TNFRSF11A: variants seen among roughly 807,000 people sequenced by gnomAD.
TNFRSF11A encodes tumor necrosis factor receptor superfamily member 11A.
TNFRSF11A carries 32 observed loss-of-function variants against 55.7 expected under a neutral mutation model. The observed-to-expected ratio is 0.57, with a 90% CI of 0.43 to 0.77. The LOEUF (loss-of-function observed/expected upper bound fraction) is 0.77. Among genes scored for constraint, TNFRSF11A ranks in the 30% least tolerant of loss-of-function variants. The pLI, the probability that TNFRSF11A is intolerant of heterozygous loss-of-function variation, is 0.00. For synonymous variants in TNFRSF11A, 311 were observed against 331.0 expected, an observed-to-expected ratio of 0.94 and a Z score of 0.65; for missense variants, 753 against 809.8, an observed-to-expected ratio of 0.93 and a Z score of 0.85.
At chr18:62,344,991 G>A (rs1176491110) in intron 1 of TNFRSF11A, among the ~76,000 whole-genome samples, 3 of 152,256 alleles carry the variant, frequency 2.0e-5, no homozygotes. Flanking sequence ...GAGAGAGCCA[G>A]TCTGGCCTGC....
chr18:62,360,071 T>G (rs1267696359), intron 6 of TNFRSF11A, 22 bp downstream of exon 6: 1 of 1,605,982 alleles, frequency 6.2e-7, no homozygotes, highest in Non-Finnish European at 8.5e-7. Flanking sequence ...AAGAGCCTGT[T>G]GGTTGATAGA....
rs372201279 is a variant in TNFRSF11A, at chr18:62,347,941, C to T, written c.76-227C>T. ...AAAAAACAAAAAAAAACCCTGTAAT[C>T]CCAGCTACTCAGGAGGCTAAAGTAG... On this transcript the variant is annotated intron_variant, in intron 1 of 9. Coordinates refer to ENST00000586569, the MANE Select transcript of TNFRSF11A (RefSeq NM_003839.4). 3.6e-4 allele frequency among the ~76,000 whole-genome samples: 54 copies of T among 151,558 alleles called. No homozygotes were observed. The East Asian group carries it at 7.8e-3, about 22-fold the overall frequency.
At chr18:62,334,817 C>T (rs898405858) in intron 1 of TNFRSF11A, among the ~76,000 whole-genome samples, 2 of 152,136 alleles carry the variant, frequency 1.3e-5, no homozygotes, top group African/African-American at 4.8e-5. Context: ...CAGTCTCAAG[C>T]TTTTACTTGG....
intron 3 of TNFRSF11A, among the ~76,000 whole-genome samples, chr18:62,353,014 A>G (rs1428999109): frequency 6.6e-6 from 1 of 152,154 alleles, no homozygotes; most frequent in Non-Finnish European, 1.5e-5. Flanking sequence ...TCTGTTTTAA[A>G]TAATGTTATT....
chr18:62,343,171 T>A (rs140417260), intron 1 of TNFRSF11A, among the ~76,000 whole-genome samples: 2 of 152,352 alleles, frequency 1.3e-5, no homozygotes, highest in Non-Finnish European at 2.9e-5. Flanking sequence ...AGAAATTTGA[T>A]ACCATCCTTA....
chr18:62,342,401 CAAAA>C (rs371734407), intron 1 of TNFRSF11A, among the ~76,000 whole-genome samples: 71 of 62,228 alleles, frequency 1.1e-3, no homozygotes, highest in East Asian at 3.3e-3. Context: ...GATTCTGTCT[CAAAA>C]AAAAAAAAAA....
At position 62,389,699 on chromosome 18, in the gene TNFRSF11A, C is replaced by A. The variant is rs1244279928; in HGVS notation, c.*4665C>A. On this transcript the variant is annotated 3_prime_UTR_variant, in exon 10 of 10. Transcript: ENST00000586569. ...AGGCTAACATCTCTTTCCTTCATCCCATTCATAAAACTGGCATACAGGAAT... is the reference window on the plus strand; with the variant it reads ...AGGCTAACATCTCTTTCCTTCATCCAATTCATAAAACTGGCATACAGGAAT... 2 of 152,156 alleles carry A rather than the reference C, an allele frequency of 1.3e-5. No individual in the cohort carries two copies. The highest frequency in any genetic ancestry group is 2.1e-4 in the South Asian group (1 of 4,826). 9.4% of individuals were successfully genotyped at this position (152,156 alleles called of 1,614,324 possible).
At chr18:62,339,373 C>T (rs915579642) in intron 1 of TNFRSF11A, among the ~76,000 whole-genome samples, 1 of 152,206 alleles carries the variant, frequency 6.6e-6, no homozygotes, top group Non-Finnish European at 1.5e-5. Flanking sequence ...TCTTGTAAGT[C>T]CTTCCCTATC....
At chr18:62,365,057 C>A (rs1481612106) in intron 7 of TNFRSF11A, among the ~76,000 whole-genome samples, 2 of 152,284 alleles carry the variant, frequency 1.3e-5, no homozygotes, top group South Asian at 2.1e-4. Context: ...CCCTCCCGGG[C>A]TCAAACAATC....
At position 62,358,336 on chromosome 18, in the gene TNFRSF11A, G is replaced by T; in HGVS notation, c.516G>T (p.Trp172Cys). 6.2e-7 allele frequency: 1 copy of T among 1,613,374 alleles called. No individual in the cohort carries two copies. Among genetic ancestry groups the T allele is most frequent in the Non-Finnish European group, 8.5e-7 (1 of 1,179,732 alleles). ...AFSSTDKCRP[W>C]TNCTFLGKRV... Reference sequence around the variant, plus strand: ...CCTCCACGGACAAATGCAGACCCTGGACCAAGTAAGTAACAACAAAGGAGT... The same window carrying T: ...CCTCCACGGACAAATGCAGACCCTGTACCAAGTAAGTAACAACAAAGGAGT... Residue 172 changes from tryptophan to cysteine, a missense_variant, in exon 5 of 10, where the codon TGG becomes TGT. By Grantham distance (215) the Trp-to-Cys change is radical. Transcript: ENST00000586569.
In TNFRSF11A at chr18:62,385,340, C is replaced by CG; in HGVS notation, c.*306_*307insG. 1 of 246,586 alleles carries CG rather than the reference C, an allele frequency of 4.1e-6. No individual in the cohort carries two copies. 15.3% of individuals were successfully genotyped at this position (246,586 alleles called of 1,614,324 possible). On this transcript the variant is annotated 3_prime_UTR_variant, in exon 10 of 10. Coordinates refer to ENST00000586569, the MANE Select transcript of TNFRSF11A (RefSeq NM_003839.4). ...CAGCTATTTTTATGACTATCCTGTT[C>CG]TGTGGGGGGGGGGGTCTGTTTTCCC...
At chr18:62,365,348 G>A (rs373608837) in intron 7 of TNFRSF11A, among the ~76,000 whole-genome samples, 65 of 152,324 alleles carry the variant, frequency 4.3e-4, no homozygotes, top group African/African-American at 8.7e-4. Context: ...TAAATTCATA[G>A]ATTTCTTAAA....
In TNFRSF11A at chr18:62,375,438, A is replaced by G. The variant is rs114952603; in HGVS notation, c.1567+5954A>G. On this transcript the variant is annotated intron_variant, in intron 9 of 9. Transcript: ENST00000586569. ...CTGTTGGAAACACTTCCAAATTCCC[A>G]TATTTAATAAAAATCCCCATGTCAT... 7.7e-3 allele frequency among the ~76,000 whole-genome samples: 1,165 copies of G among 152,238 alleles called. 10 individuals carry two copies. The highest frequency in any genetic ancestry group is 0.027 in the African/African-American group (1,129 of 41,534).
At chr18:62,326,195 G>A (rs2046072515) in intron 1 of TNFRSF11A, among the ~76,000 whole-genome samples, 1 of 152,220 alleles carries the variant, frequency 6.6e-6, no homozygotes, top group Admixed American at 6.5e-5. Context: ...AGGGAAGGGC[G>A]AGTGGTGGTT....
chr18:62,328,247 G>A (rs1023247635), intron 1 of TNFRSF11A, among the ~76,000 whole-genome samples: 7 of 152,024 alleles, frequency 4.6e-5, no homozygotes, highest in East Asian at 1.9e-4. Flanking sequence ...AGGGAGGACC[G>A]CTGGAGGAAT....
At position 62,354,486 on chromosome 18, in the gene TNFRSF11A, T is replaced by C; in HGVS notation, c.379T>C (p.Cys127Arg). 6.2e-7 allele frequency: 1 copy of C among 1,601,884 alleles called. No individual in the cohort carries two copies. Among genetic ancestry groups the C allele is most frequent in the South Asian group, 1.1e-5 (1 of 90,988 alleles). The change falls in exon 4 of 10, where the codon TGC (cysteine) becomes CGC (arginine). Residue 127 changes from cysteine to arginine, a missense_variant. This residue lies in a region of TNFRSF11A where 30 missense variants were observed against 58.0 expected (regional missense o/e 0.52). Transcript: ENST00000586569. Reference protein sequence around the residue: ...GYHWSQDCECCRRNTECAPGL... With the variant: ...GYHWSQDCECRRRNTECAPGL... ...CCACTGGAGCCAGGACTGCGAGTGCTGCCGCCGCAACACCGAGTGCGCGCC... is the reference window on the plus strand; with the variant it reads ...CCACTGGAGCCAGGACTGCGAGTGCCGCCGCCGCAACACCGAGTGCGCGCC...
At chr18:62,384,384 C>G (rs1205722983) in intron 9 of TNFRSF11A, among the ~76,000 whole-genome samples, 1 of 139,460 alleles carries the variant, frequency 7.2e-6, no homozygotes, top group African/African-American at 2.7e-5. Context: ...TCCTCTTCCT[C>G]CCCTCCTCCT....
At chr18:62,378,582 A>G (rs1057210358) in intron 9 of TNFRSF11A, among the ~76,000 whole-genome samples, 1 of 152,230 alleles carries the variant, frequency 6.6e-6, no homozygotes, top group African/African-American at 2.4e-5. Flanking sequence ...GAGGAATGCC[A>G]CCATTGCACC....
rs748211484 is a variant in TNFRSF11A at position 62,369,319 on chromosome 18, C to T, written c.1402C>T (p.Pro468Ser). ...EPLVGSPKRG[P>S]LPQCAYGMGL... ...CCTCGTGGGTTCCCCAAAACGTGGACCCTTGCCCCAGTGCGCCTATGGCAT... is the reference window on the plus strand; with the variant it reads ...CCTCGTGGGTTCCCCAAAACGTGGATCCTTGCCCCAGTGCGCCTATGGCAT... The change falls in exon 9 of 10, where the codon CCC (proline) becomes TCC (serine). Residue 468 changes from proline (P) to serine (S), a missense_variant. Pro to Ser is a moderately conservative substitution (Grantham distance 74, BLOSUM62 -1). Coordinates refer to ENST00000586569, the MANE Select transcript of TNFRSF11A (RefSeq NM_003839.4). 50 of 1,610,226 alleles carry T rather than the reference C, an allele frequency of 3.1e-5. No individual in the cohort carries two copies. The East Asian group carries it at 1.0e-3, about 32-fold the overall frequency.
Sources: allele counts gnomAD v4.1 joint callset (sites outside exome capture counted in the v4.1 genomes callset), GRCh38; gene constraint gnomAD v4.1.1; regional missense constraint gnomAD v4.1.1; transcripts MANE v1.5; gene names NCBI Gene and HGNC (gene_info 2026-07-23, HGNC 2026-07-21).